GPR39: variants seen among roughly 807,000 people sequenced by gnomAD.
GPR39 encodes G protein-coupled receptor 39.
Under a neutral mutation model 18.4 loss-of-function variants are expected in GPR39, and 23 were observed. That is an observed-to-expected ratio of 1.25 (90% CI 0.90 to 1.77). The LOEUF is 1.77. Ranked by LOEUF, GPR39 falls within the 40% of genes most tolerant of loss-of-function variation. The pLI, the probability that GPR39 is intolerant of heterozygous loss-of-function variation, is 0.00. For missense variants in GPR39, 647 were observed against 602.4 expected (o/e 1.07, Z -0.78); for synonymous variants, 280 against 257.9 (o/e 1.09, Z -0.82).
chr2:132,646,539 AAGAGC>A lies in GPR39; in HGVS notation c.*934_*938del, dbSNP rs1682092235. ...CAATACCTGTGAATACCTGTTAATA[AAGAGC>A]TGTTAAATAGACTTATTTACATTTT... On this transcript the variant is annotated 3_prime_UTR_variant, in exon 2 of 2. Transcript: ENST00000329321. 1.4e-5 allele frequency: 5 copies of A among 362,268 alleles called. No individual in the cohort carries two copies. Among genetic ancestry groups the A allele is most frequent in the Non-Finnish European group, 2.5e-5 (5 of 203,990 alleles). 22.4% of individuals were successfully genotyped at this position (362,268 alleles called of 1,614,324 possible).
At position 132,417,356 on chromosome 2, in the gene GPR39, C is replaced by G. The variant is rs1558792498; in HGVS notation, c.314C>G (p.Thr105Ser). The G allele has an allele frequency of 6.2e-7, 1 of 1,614,202 alleles. No individual in the cohort carries two copies. The highest frequency in any genetic ancestry group is 1.7e-5 in the Admixed American group (1 of 60,034). ...IWNPLTTSSY[T>S]LSCKLHTFLF... ...AATCCCCTGACCACGTCCAGCTACA[C>G]CCTGTCCTGCAAGCTGCACACTTTC... The change falls in exon 1 of 2, where the codon ACC (threonine) becomes AGC (serine). Residue 105 changes from threonine (T) to serine (S), a missense_variant. By Grantham distance (58) the Thr-to-Ser change is moderately conservative. This residue lies in a region of GPR39 where 581 missense variants were observed against 506.8 expected (regional missense o/e 1.15). Transcript: ENST00000329321.
At chr2:132,620,234 G>C (rs1351312764) in intron 1 of GPR39, among the ~76,000 whole-genome samples, 1 of 152,166 alleles carries the variant, frequency 6.6e-6, no homozygotes, top group Admixed American at 6.5e-5. Flanking sequence ...TCCCTCCGGA[G>C]GCAGGAGGCT....
intron 1 of GPR39, among the ~76,000 whole-genome samples, chr2:132,431,249 T>A (rs536790321): frequency 6.6e-6 from 1 of 152,366 alleles, no homozygotes; most frequent in Admixed American, 6.5e-5. Context: ...ATGCAACACC[T>A]ATTTCTAGAA....
intron 1 of GPR39, among the ~76,000 whole-genome samples, chr2:132,498,470 C>T (rs1681690886): frequency 5.3e-5 from 8 of 152,096 alleles, no homozygotes; most frequent in Admixed American, 5.2e-4. Flanking sequence ...TCTTTATCCA[C>T]TCATTGATGG....
At chr2:132,630,358 GA>G (rs1433268766) in intron 1 of GPR39, among the ~76,000 whole-genome samples, 1 of 152,148 alleles carries the variant, frequency 6.6e-6, no homozygotes, top group Non-Finnish European at 1.5e-5. Flanking sequence ...AAGGAGAGAA[GA>G]GAGACTAACT....
intron 1 of GPR39, among the ~76,000 whole-genome samples, chr2:132,521,256 G>A (rs1055700955): frequency 4.6e-5 from 7 of 152,212 alleles, no homozygotes; most frequent in South Asian, 2.1e-4. Context: ...CCTGAGAGAC[G>A]TTGCCCCAAC....
At chr2:132,524,277 C>T (rs1679472188) in intron 1 of GPR39, among the ~76,000 whole-genome samples, 1 of 152,212 alleles carries the variant, frequency 6.6e-6, no homozygotes, top group Non-Finnish European at 1.5e-5. Flanking sequence ...GTTCACAATC[C>T]ATCCTTCATG....
At chr2:132,425,910 C>T (rs935645958) in intron 1 of GPR39, among the ~76,000 whole-genome samples, 4 of 152,148 alleles carry the variant, frequency 2.6e-5, no homozygotes, top group African/African-American at 9.7e-5. Flanking sequence ...AGAATTCAGC[C>T]TGGCCTACAT....
At chr2:132,534,189 G>A (rs976067711) in intron 1 of GPR39, among the ~76,000 whole-genome samples, 12 of 152,112 alleles carry the variant, frequency 7.9e-5, no homozygotes, top group African/African-American at 2.9e-4. Flanking sequence ...GATATGAACA[G>A]ACACTTCTCA....
At chr2:132,498,003 C>T (rs1467959239) in intron 1 of GPR39, among the ~76,000 whole-genome samples, 3 of 152,196 alleles carry the variant, frequency 2.0e-5, no homozygotes, top group Admixed American at 1.3e-4. Flanking sequence ...TCATCTTAGG[C>T]TTACACTTCA....
chr2:132,541,726 G>T (rs1679865117), intron 1 of GPR39, among the ~76,000 whole-genome samples: 1 of 152,164 alleles, frequency 6.6e-6, no homozygotes, highest in Non-Finnish European at 1.5e-5. Context: ...GGATACAGAG[G>T]CAGTTGGACA....
chr2:132,493,203 A>G (rs1366447619), intron 1 of GPR39, among the ~76,000 whole-genome samples: 2 of 143,796 alleles, frequency 1.4e-5, no homozygotes, highest in Admixed American at 7.0e-5. Context: ...CACCATATAT[A>G]CACCATATAT....
chr2:132,491,436 G>A (rs887586443), intron 1 of GPR39, among the ~76,000 whole-genome samples: 3 of 151,974 alleles, frequency 2.0e-5, no homozygotes, highest in African/African-American at 4.8e-5. Context: ...TTATTCAAAT[G>A]TTCTTGATGA....
chr2:132,574,056 ACCAATG>A (rs1404891738), intron 1 of GPR39, among the ~76,000 whole-genome samples: 2 of 152,238 alleles, frequency 1.3e-5, no homozygotes, highest in Admixed American at 6.5e-5. Context: ...AACATTGTAA[ACCAATG>A]CCATTTTTCA....
rs751414250 is a variant in GPR39, at chr2:132,584,624, GA to G, written c.857-60465del. On this transcript the variant is annotated intron_variant, in intron 1 of 1. Coordinates refer to ENST00000329321, the MANE Select transcript of GPR39 (RefSeq NM_001508.3). ...GGCCAAGTCTCCAGTTCTTTCAGGG[GA>G]AAAAAAAAAAACGTAGTTACATTTC... Among the ~76,000 whole-genome samples the G allele has an allele frequency of 9.6e-3, 1,368 of 142,836 alleles. 19 individuals are homozygous for G. The highest frequency in any genetic ancestry group is 0.032 in the African/African-American group (1,253 of 38,834). 93.7% of individuals were successfully genotyped at this position (142,836 alleles called of 152,430 possible).
chr2:132,623,391 G>A (rs1278162691), intron 1 of GPR39, among the ~76,000 whole-genome samples: 5 of 152,216 alleles, frequency 3.3e-5, no homozygotes, highest in East Asian at 1.9e-4. Context: ...GGCCAGGGGC[G>A]CCTGAAGGGA....
chr2:132,504,783 A>AAT (rs75799285), intron 1 of GPR39, among the ~76,000 whole-genome samples: 21,872 of 152,228 alleles, frequency 0.14, 1,685 homozygotes, highest in African/African-American at 0.2. Context: ...ATAATTTAAA[A>AAT]ATATATATAG....
chr2:132,609,091 A>AT (rs2104848206), intron 1 of GPR39, among the ~76,000 whole-genome samples: 1 of 152,322 alleles, frequency 6.6e-6, no homozygotes, highest in East Asian at 1.9e-4. Flanking sequence ...GGGATGTTTT[A>AT]TTTGAAGCTC....
chr2:132,429,496 C>T (rs1248541109), intron 1 of GPR39, among the ~76,000 whole-genome samples: 1 of 152,238 alleles, frequency 6.6e-6, no homozygotes, highest in Non-Finnish European at 1.5e-5. Context: ...CCCAGCATCC[C>T]TCACAGCCAG....
Sources: allele counts gnomAD v4.1 joint callset (sites outside exome capture counted in the v4.1 genomes callset), GRCh38; gene constraint gnomAD v4.1.1; regional missense constraint gnomAD v4.1.1; transcripts MANE v1.5; gene names NCBI Gene and HGNC (gene_info 2026-07-23, HGNC 2026-07-21).